Variants in SLC12A7 observed in about 807,000 individuals in gnomAD.
SLC12A7 encodes the protein K-Cl cotransporter 4.
Under a neutral mutation model 120.6 loss-of-function variants are expected in SLC12A7, and 100 were observed. The observed-to-expected ratio is 0.83, with a 90% CI of 0.71 to 0.98. SLC12A7 has a LOEUF of 0.98. Ranked by LOEUF, SLC12A7 falls within the 50% of genes least tolerant of loss-of-function variation. The pLI, the probability that SLC12A7 is intolerant of heterozygous loss-of-function variation, is 0.00. For missense variants in SLC12A7, 1,373 were observed against 1,548.1 expected, an observed-to-expected ratio of 0.89 and a Z score of 1.90; for synonymous variants, 760 against 678.0, an observed-to-expected ratio of 1.12 and a Z score of -1.88.
the SLC12A7 span, among the ~76,000 whole-genome samples, chr5:1,134,613 C>T: frequency 9.9e-5 from 15 of 152,206 alleles, no homozygotes; most frequent in African/African-American, 3.6e-4. Flanking sequence ...AACAGAACGG[C>T]AGTTCCTGAA....
At chr5:1,139,570 CTGT>C in the SLC12A7 span, among the ~76,000 whole-genome samples, 5 of 152,234 alleles carry the variant, frequency 3.3e-5, no homozygotes, top group African/African-American at 4.8e-5. Context: ...GCCTCGAGAA[CTGT>C]TTGGGCAGTG....
In SLC12A7 at chr5:1,085,347, C is replaced by T. The variant is rs1190476666; in HGVS notation, c.802G>A (p.Val268Met). Reference sequence around the variant, plus strand: ...AGCTTGTTGACATACTTGACGCCCACGAAGACCACCAGGGCCATGAGCACG... The same window carrying T: ...AGCTTGTTGACATACTTGACGCCCATGAAGACCACCAGGGCCATGAGCACG... ...TLVLMALVVFVGVKYVNKLAL... is the reference protein window; with the variant it reads ...TLVLMALVVFMGVKYVNKLAL... Residue 268 changes from valine to methionine, a missense_variant, in exon 7 of 24, where the codon GTG becomes ATG. Val to Met is a conservative substitution (Grantham distance 21, BLOSUM62 1). Transcript: ENST00000264930. 3 of 1,612,586 alleles carry T rather than the reference C, an allele frequency of 1.9e-6. No homozygotes were observed. Among genetic ancestry groups the T allele is most frequent in the Admixed American group, 1.7e-5 (1 of 60,000 alleles).
Position 1,109,143 on chromosome 5 carries a change from G to C in SLC12A7, c.124+2725C>G, listed in dbSNP as rs1005882171. 5.3e-5 allele frequency among the ~76,000 whole-genome samples: 8 copies of C among 152,156 alleles called. No homozygotes were observed. The East Asian group carries it at 1.5e-3, about 29-fold the overall frequency. ...GACAGTGGGTGGCCAGGGCCTGTGG[G>C]ACCTTGACAGAGGCTCTGCACGCTG... On this transcript the variant is annotated intron_variant, in intron 1 of 23. Transcript: ENST00000264930.
chr5:1,053,445 T>C lies in SLC12A7; in HGVS notation c.3064A>G (p.Lys1022Glu). The change falls in exon 23 of 24, where the codon AAG (lysine) becomes GAG (glutamate). Residue 1022 changes from lysine (K) to glutamate (E), a missense_variant. Coordinates refer to ENST00000264930, the MANE Select transcript of SLC12A7 (RefSeq NM_006598.3). ...SNVRRMHTAV[K>E]LNGVVLNKSQ... is the part of the protein sequence containing the mutation. Reference sequence around the variant, plus strand: ...TTGTTGAGGACGACGCCATTGAGCTTCACAGCCGTGTGCATCCGCCTGACG... The same window carrying C: ...TTGTTGAGGACGACGCCATTGAGCTCCACAGCCGTGTGCATCCGCCTGACG... 1.2e-6 allele frequency: 2 copies of C among 1,613,810 alleles called. No homozygotes were observed. Among genetic ancestry groups the C allele is most frequent in the Non-Finnish European group, 1.7e-6 (2 of 1,179,998 alleles).
chr5:1,094,474 C>A (rs1401560839), intron 1 of SLC12A7, among the ~76,000 whole-genome samples: 1 of 152,180 alleles, frequency 6.6e-6, no homozygotes, highest in Non-Finnish European at 1.5e-5. Context: ...ACATGCTAGC[C>A]CCAATGCGCA....
chr5:1,140,610 G>A, the SLC12A7 span, among the ~76,000 whole-genome samples: 4 of 152,330 alleles, frequency 2.6e-5, no homozygotes, highest in East Asian at 3.9e-4. Flanking sequence ...CAGCAATCCC[G>A]GAGTTCCCCG....
intron 22 of SLC12A7, among the ~76,000 whole-genome samples, chr5:1,053,969 G>C (rs1735327998): frequency 6.6e-6 from 1 of 152,340 alleles, no homozygotes; most frequent in South Asian, 2.1e-4. Context: ...TCCTCTCCGA[G>C]GGTCCTGATA....
At position 1,093,542 on chromosome 5, in the gene SLC12A7, C is replaced by T; in HGVS notation, c.333G>A (p.Arg111=). 3 of 1,590,192 alleles carry T rather than the reference C, an allele frequency of 1.9e-6. No individual in the cohort carries two copies. Among genetic ancestry groups the T allele is most frequent in the Non-Finnish European group, 1.7e-6 (2 of 1,169,704 alleles). ...EHEEDEESRR[R]EAKAPRMGTF... ...GGCAGGGTGGCAGTACCTTGGCCTC[C>T]CGCCGCCGGCTCTCCTCGTCCTCCT... Residue 111 remains arginine (R), a synonymous_variant, in exon 3 of 24, where the codon CGG becomes CGA. Transcript: ENST00000264930.
the SLC12A7 span, among the ~76,000 whole-genome samples, chr5:1,155,556 G>T: frequency 6.6e-6 from 1 of 151,442 alleles, no homozygotes; most frequent in African/African-American, 2.4e-5. Context: ...GCTGGGCTGG[G>T]GGGACCCCAG....
At chr5:1,052,941 G>C (rs1467074253) in intron 23 of SLC12A7, among the ~76,000 whole-genome samples, 1 of 152,252 alleles carries the variant, frequency 6.6e-6, no homozygotes, top group Non-Finnish European at 1.5e-5. Flanking sequence ...TCCCAAAGCT[G>C]CGACCAATTG....
At chr5:1,093,450 A>C in intron 3 of SLC12A7, 83 bp downstream of exon 3, 1 of 1,351,796 alleles carries the variant, frequency 7.4e-7, no homozygotes, top group Middle Eastern at 2.6e-4. Context: ...CTCTTCTGAC[A>C]AGCAACTGCC....
chr5:1,079,594 G>T, intron 9 of SLC12A7, 98 bp from the exon 10 acceptor site: 1 of 958,308 alleles, frequency 1.0e-6, no homozygotes, highest in Non-Finnish European at 1.7e-6. Flanking sequence ...TCTCTGGGGA[G>T]ACCCCGAGCG....
chr5:1,145,562 G>A, the SLC12A7 span, among the ~76,000 whole-genome samples: 11,980 of 152,258 alleles, frequency 0.079, 1,582 homozygotes, highest in African/African-American at 0.27. This position sits in a 1 kb window ranked among gnomAD's most constrained non-coding sequence, Gnocchi z 4.4. Context: ...CAGCCAGGAA[G>A]GGCTCACAAA....
Position 1,050,518 on chromosome 5 carries a change from G to T in SLC12A7, c.*1842C>A. ...ACAACACAAAGGATGCCTGGTGCTT[G>T]CGTGCAGAGGCTGCAGCCCAGGGCG... On this transcript the variant is annotated 3_prime_UTR_variant, in exon 24 of 24. Coordinates refer to ENST00000264930, the MANE Select transcript of SLC12A7 (RefSeq NM_006598.3). The T allele has an allele frequency of 4.0e-6, 1 of 247,746 alleles. No individual in the cohort carries two copies. The allele number at this position is 247,746 out of a possible 1,614,324, so 15.3% of individuals were successfully genotyped here.
chr5:1,100,294 C>T (rs1030969050), intron 1 of SLC12A7, among the ~76,000 whole-genome samples: 1 of 152,182 alleles, frequency 6.6e-6, no homozygotes, highest in Admixed American at 6.5e-5. Context: ...GCAGACACGC[C>T]GTCGGAATTA....
intron 20 of SLC12A7, among the ~76,000 whole-genome samples, chr5:1,061,051 C>A (rs1736161510): frequency 7.3e-6 from 1 of 137,118 alleles, no homozygotes; most frequent in African/African-American, 2.8e-5. Context: ...ATCCCTGAGT[C>A]TCACCCGCCG....
chr5:1,102,089 G>C (rs1742076027), intron 1 of SLC12A7, among the ~76,000 whole-genome samples: 1 of 152,208 alleles, frequency 6.6e-6, no homozygotes, highest in Non-Finnish European at 1.5e-5. Context: ...TGGGCCCTTG[G>C]GGAACAGCCT....
At chr5:1,124,360 G>C in the SLC12A7 span, among the ~76,000 whole-genome samples, 14 of 152,358 alleles carry the variant, frequency 9.2e-5, no homozygotes, top group African/African-American at 3.1e-4. Flanking sequence ...TGAGGAAGTA[G>C]CTGCGTGCAG....
the SLC12A7 span, among the ~76,000 whole-genome samples, chr5:1,120,813 G>A: frequency 6.6e-6 from 1 of 152,178 alleles, no homozygotes; most frequent in Non-Finnish European, 1.5e-5. Flanking sequence ...TGAAGCTCAA[G>A]GGCAGGCAGG....
Sources: allele counts gnomAD v4.1 joint callset (sites outside exome capture counted in the v4.1 genomes callset), GRCh38; gene constraint gnomAD v4.1.1; non-coding constraint Gnocchi (gnomAD v3.1); transcripts MANE v1.5; gene names NCBI Gene and HGNC (gene_info 2026-07-23, HGNC 2026-07-21).